The following KIAA1210 variants were observed in gnomAD, a reference collection of about 807,000 sequenced individuals.
KIAA1210 encodes the protein acrosomal protein KIAA1210.
A neutral mutation model predicts 78.9 loss-of-function variants in KIAA1210; 48 were observed. The ratio of observed to expected loss-of-function variants is 0.61; its 90% CI spans 0.48 to 0.77. KIAA1210 has a LOEUF of 0.77. Ranked by LOEUF, KIAA1210 falls within the 30% of genes least tolerant of loss-of-function variation. The pLI is 0.00. For missense variants in KIAA1210, 1,108 were observed against 1,100.0 expected, an observed-to-expected ratio of 1.01 and a Z score of -0.10; for synonymous variants, 406 against 404.5, an observed-to-expected ratio of 1.00 and a Z score of -0.04.
At chrX:119,135,305 C>T (rs1289937833) in intron 2 of KIAA1210, among the ~76,000 whole-genome samples, 1 of 112,144 alleles carries the variant, frequency 8.9e-6, no homozygotes, top group Non-Finnish European at 1.9e-5. Context: ...GTTCACCAGG[C>T]CATTAGCAGC....
chrX:119,148,041 G>A (rs1929210050), intron 1 of KIAA1210, among the ~76,000 whole-genome samples: 1 of 110,970 alleles, frequency 9.0e-6, no homozygotes. Flanking sequence ...TTGGGAGGCT[G>A]AGGCAGGAGG....
upstream of KIAA1210, among the ~76,000 whole-genome samples, chrX:119,129,812 C>T (rs757909278): frequency 1.8e-4 from 20 of 111,728 alleles, no homozygotes; most frequent in Non-Finnish European, 3.6e-4. Flanking sequence ...AGAAACGCTG[C>T]CTCTTCCTAC....
At chrX:119,121,416 A>G (rs891366885) in intron 2 of KIAA1210, among the ~76,000 whole-genome samples, 3 of 111,729 alleles carry the variant, frequency 2.7e-5, no homozygotes, top group African/African-American at 9.8e-5. Context: ...CTGACAGCTG[A>G]GAGCTGACAG....
At chrX:119,147,716 A>T in intron 1 of KIAA1210, 1 of 741,699 alleles carries the variant, frequency 1.3e-6, no homozygotes, top group Non-Finnish European at 2.0e-6. Flanking sequence ...GAGGAAGTCC[A>T]CGGCCTAGAA....
At position 119,121,970 on chromosome X, in the gene KIAA1210, G is replaced by A. The variant is rs771045904; in HGVS notation, c.61+1612C>T. ...TTTTTAATAGAGACAGGGTTTCACCGTGTTAGACAGGATGGTCTCCTGACC... is the reference window on the plus strand; with the variant it reads ...TTTTTAATAGAGACAGGGTTTCACCATGTTAGACAGGATGGTCTCCTGACC... On this transcript the variant is annotated intron_variant, in intron 2 of 11. Transcript: ENST00000691062. 2.7e-4 allele frequency among the ~76,000 whole-genome samples: 28 copies of A among 103,314 alleles called. 2 individuals are homozygous for A. In the South Asian group the frequency reaches 0.01, roughly 39 times the overall value. The allele number at this position is 103,314 out of a possible 115,157, so 89.7% of individuals were successfully genotyped here.
chrX:119,088,234 A>T lies in KIAA1210; in HGVS notation c.2468T>A (p.Met823Lys). Residue 823 changes from methionine (M) to lysine (K), a missense_variant, in exon 9 of 12, where the codon ATG (methionine) becomes AAG (lysine). Around this residue, in one of 5 missense-constraint regions of KIAA1210, gnomAD observed 672 missense variants for 607.1 expected, o/e 1.11. Coordinates refer to ENST00000691062, the MANE Select transcript of KIAA1210 (RefSeq NM_001394962.1). ...PLMNPKVQQN[M>K]FSGSEDIAVE... is the part of the protein sequence containing the mutation. ...AGCAATGTCCTCTGAACCTGAGAAC[A>T]TGTTTTGTTGAACTTTAGGATTCAT... 1 of 1,210,077 alleles carries T rather than the reference A, an allele frequency of 8.3e-7. No homozygotes were observed. Among genetic ancestry groups the T allele is most frequent in the East Asian group, 3.0e-5 (1 of 33,753 alleles).
chrX:119,101,845 A>T (rs1451483583), intron 6 of KIAA1210, among the ~76,000 whole-genome samples: 1 of 111,998 alleles, frequency 8.9e-6, no homozygotes, highest in African/African-American at 3.2e-5. Flanking sequence ...CATCCTAGCT[A>T]TACCACTTAT....
At chrX:119,146,873 T>G (rs775934168) in intron 2 of KIAA1210, among the ~76,000 whole-genome samples, 3 of 109,280 alleles carry the variant, frequency 2.7e-5, no homozygotes, top group Non-Finnish European at 5.7e-5. Flanking sequence ...GTTAACAATC[T>G]TTCTTCTAAA....
intron 6 of KIAA1210, 33 bp from the exon 7 acceptor site, chrX:119,096,724 C>T (rs981363122): frequency 2.5e-5 from 27 of 1,059,334 alleles, no homozygotes; most frequent in Non-Finnish European, 3.4e-5. Flanking sequence ...GACGAGTCAA[C>T]CCGTATGCTG....
At chrX:119,140,138 C>T (rs1271823833) in intron 2 of KIAA1210, among the ~76,000 whole-genome samples, 1 of 112,406 alleles carries the variant, frequency 8.9e-6, no homozygotes, top group African/African-American at 3.2e-5. Context: ...CCAATGGTGG[C>T]CCAGCCTTCA....
intron 5 of KIAA1210, among the ~76,000 whole-genome samples, chrX:119,105,621 G>T (rs1927869543): frequency 8.9e-6 from 1 of 112,068 alleles, no homozygotes; most frequent in African/African-American, 3.2e-5. Context: ...GAATTATTTG[G>T]ATTGAATCTT....
Position 119,088,362 on chromosome X carries a change from G to A in KIAA1210, c.2340C>T (p.Asn780=), listed in dbSNP as rs745935558. The change falls in exon 9 of 12, where the codon AAC becomes AAT. Residue 780 remains asparagine, a synonymous_variant. Coordinates refer to ENST00000691062, the MANE Select transcript of KIAA1210 (RefSeq NM_001394962.1). Reference sequence around the variant, plus strand: ...AGGAAACTTCTTGCTCCACTTTAGGGTTCACCCATGGCTGGAAAGGGTGTC... The same window carrying A: ...AGGAAACTTCTTGCTCCACTTTAGGATTCACCCATGGCTGGAAAGGGTGTC... ...PPRHPFQPWV[N]PKVEQEVSSS... 2 of 1,209,031 alleles carry A rather than the reference G, an allele frequency of 1.7e-6. No individual in the cohort carries two copies. The highest frequency in any genetic ancestry group is 2.2e-6 in the Non-Finnish European group (2 of 894,798).
chrX:119,107,838 G>T (rs938325278), intron 5 of KIAA1210, among the ~76,000 whole-genome samples: 1 of 111,991 alleles, frequency 8.9e-6, no homozygotes, highest in African/African-American at 3.2e-5. Flanking sequence ...GTTAAGGGTT[G>T]TCTCCTTGAC....
At chrX:119,135,860 C>T (rs1928900225) in intron 2 of KIAA1210, among the ~76,000 whole-genome samples, 1 of 111,525 alleles carries the variant, frequency 9.0e-6, no homozygotes, top group Admixed American at 9.5e-5. Context: ...TTGAAACCAT[C>T]CTGGCCAACA....
intron 2 of KIAA1210, among the ~76,000 whole-genome samples, chrX:119,121,803 C>T (rs1198077905): frequency 9.1e-6 from 1 of 109,711 alleles, no homozygotes; most frequent in African/African-American, 3.3e-5. Context: ...GAGTCTCGCA[C>T]TGTCACCCAG....
intron 2 of KIAA1210, among the ~76,000 whole-genome samples, chrX:119,144,155 T>A (rs1929113076): frequency 8.9e-6 from 1 of 112,101 alleles, no homozygotes; most frequent in Non-Finnish European, 1.9e-5. Flanking sequence ...GCCCATATAG[T>A]GCTCTGGCTT....
At chrX:119,083,369 A>G (rs765313225) in intron 10 of KIAA1210, among the ~76,000 whole-genome samples, 8 of 112,315 alleles carry the variant, frequency 7.1e-5, no homozygotes, top group Admixed American at 4.7e-4. Flanking sequence ...AGAAAGAAAG[A>G]GCTGTCTAAT....
chrX:119,124,886 C>T (rs1440327288), intron 1 of KIAA1210, among the ~76,000 whole-genome samples: 2 of 102,048 alleles, frequency 2.0e-5, no homozygotes, highest in African/African-American at 7.2e-5. Context: ...AGGACCCTGT[C>T]TCAAAAAAAA....
chrX:119,130,736 T>C (rs193081786), upstream of KIAA1210, among the ~76,000 whole-genome samples: 6 of 112,542 alleles, frequency 5.3e-5, no homozygotes, highest in African/African-American at 9.7e-5. Flanking sequence ...AGGAACTATA[T>C]GTTTTTATCC....
Sources: allele counts gnomAD v4.1 joint callset (sites outside exome capture counted in the v4.1 genomes callset), GRCh38; gene constraint gnomAD v4.1.1; regional missense constraint gnomAD v4.1.1; transcripts MANE v1.5; gene names NCBI Gene and HGNC (gene_info 2026-07-23, HGNC 2026-07-21).